SLC25A33: variants seen among roughly 807,000 people sequenced by gnomAD.
SLC25A33 encodes the protein bone marrow stromal cell mitochondrial carrier protein.
In SLC25A33, 15 loss-of-function variants were observed where a neutral mutation model predicts 35.5. That is an observed-to-expected ratio of 0.42 (90% CI 0.28 to 0.65). SLC25A33 has a LOEUF of 0.65. Ranked by LOEUF, SLC25A33 falls within the 30% of genes least tolerant of loss-of-function variation. The pLI is 0.20. For synonymous variants in SLC25A33, 136 were observed against 148.7 expected, an observed-to-expected ratio of 0.91 and a Z score of 0.62; for missense variants, 257 against 398.5, an observed-to-expected ratio of 0.64 and a Z score of 3.02.
intron 4 of SLC25A33, 40 bp from the exon 5 acceptor site, chr1:9,573,306 T>C: frequency 7.1e-7 from 1 of 1,404,882 alleles, no homozygotes. Context: ...AAGTATGGAC[T>C]ATGTACAGTG....
chr1:9,562,805 A>G (rs1310719263), intron 2 of SLC25A33, among the ~76,000 whole-genome samples: 1 of 150,232 alleles, frequency 6.7e-6, no homozygotes, highest in African/African-American at 2.4e-5. Context: ...GTGAGCCAAG[A>G]TCGCGCCATT....
intron 1 of SLC25A33, among the ~76,000 whole-genome samples, chr1:9,547,789 A>C (rs370306507): frequency 6.3e-4 from 96 of 151,574 alleles, no homozygotes; most frequent in African/African-American, 2.2e-3. Flanking sequence ...GGTTTAGAAT[A>C]GTGGCCTTCA....
At position 9,583,416 on chromosome 1, in the gene SLC25A33, C is replaced by G. The variant is rs1323052452; in HGVS notation, c.*915C>G. 2.0e-5 allele frequency: 3 copies of G among 152,160 alleles called. No homozygotes were observed. The highest frequency in any genetic ancestry group is 4.8e-5 in the African/African-American group (2 of 41,416). The allele number at this position is 152,160 out of a possible 1,614,324, so 9.4% of individuals were successfully genotyped here. On this transcript the variant is annotated 3_prime_UTR_variant, in exon 7 of 7. Coordinates refer to ENST00000302692, the MANE Select transcript of SLC25A33 (RefSeq NM_032315.3). ...AAACTTCCTGAAGTTATCCTTTTCT[C>G]CCTACTTTGAACCAAAGGCAAGAAT...
chr1:9,575,473 G>A (rs1016450661), intron 5 of SLC25A33, among the ~76,000 whole-genome samples: 2 of 151,954 alleles, frequency 1.3e-5, no homozygotes, highest in Non-Finnish European at 2.9e-5. Context: ...AAATTAGCCA[G>A]GCGTGGTGGT....
chr1:9,577,321 C>T (rs1051145242), intron 5 of SLC25A33, among the ~76,000 whole-genome samples: 5 of 151,954 alleles, frequency 3.3e-5, no homozygotes, highest in African/African-American at 1.2e-4. Context: ...GGTGTCATGC[C>T]TCGGGAGGCT....
chr1:9,563,368 T>G (rs1402303816), intron 2 of SLC25A33, among the ~76,000 whole-genome samples: 1 of 152,200 alleles, frequency 6.6e-6, no homozygotes, highest in East Asian at 1.9e-4. Flanking sequence ...CATCCAAAAA[T>G]TAGGAGAAGA....
chr1:9,558,070 G>A (rs1371988332), intron 2 of SLC25A33, among the ~76,000 whole-genome samples: 2 of 152,208 alleles, frequency 1.3e-5, no homozygotes, highest in African/African-American at 2.4e-5. Flanking sequence ...GTACTCAGGC[G>A]TGACGTTACC....
At chr1:9,545,051 G>A (rs1382002224) in intron 1 of SLC25A33, among the ~76,000 whole-genome samples, 5 of 152,148 alleles carry the variant, frequency 3.3e-5, no homozygotes. Flanking sequence ...AGGTGCCTAA[G>A]CCACAAGGGG....
At chr1:9,550,668 A>G (rs1296850003) in intron 1 of SLC25A33, among the ~76,000 whole-genome samples, 3 of 150,432 alleles carry the variant, frequency 2.0e-5, no homozygotes, top group Non-Finnish European at 4.4e-5. Flanking sequence ...ATTTTTATTA[A>G]TTAATTAATT....
chr1:9,556,651 C>G (rs570958334), intron 2 of SLC25A33, among the ~76,000 whole-genome samples: 1 of 152,070 alleles, frequency 6.6e-6, no homozygotes, highest in South Asian at 2.1e-4. Flanking sequence ...ATCCAGCCCC[C>G]CCCATAAGAG....
At chr1:9,564,739 A>AAAAAAATATAT (rs60174872) in intron 2 of SLC25A33, among the ~76,000 whole-genome samples, 6 of 96,540 alleles carry the variant, frequency 6.2e-5, no homozygotes, top group African/African-American at 2.6e-4. Context: ...AAAAAAAAAA[A>AAAAAAATATAT]ATATATATAT....
chr1:9,540,049 T>G (rs1643053743), intron 1 of SLC25A33, among the ~76,000 whole-genome samples: 1 of 151,824 alleles, frequency 6.6e-6, no homozygotes, highest in Non-Finnish European at 1.5e-5. Context: ...TGAGTGGTGC[T>G]CGGCGGCGGT....
In SLC25A33 at chr1:9,556,183, C is replaced by T. The variant is rs115164615; in HGVS notation, c.236+2378C>T. 631 of 985,302 alleles carry T rather than the reference C, an allele frequency of 6.4e-4. 4 individuals are homozygous for T. The African/African-American group carries it at 0.011, about 16-fold the overall frequency. 61.0% of individuals were successfully genotyped at this position (985,302 alleles called of 1,614,324 possible). A position where few individuals can be genotyped will look rare whatever the true frequency, so the allele number is the denominator to read the frequency against. Reference sequence around the variant, plus strand: ...TGCTTTGCCTTTTCACATGCTTAGGCGGTGCCAGTGTCCCGGGTGACACCT... The same window carrying T: ...TGCTTTGCCTTTTCACATGCTTAGGTGGTGCCAGTGTCCCGGGTGACACCT... On this transcript the variant is annotated intron_variant, in intron 2 of 6. Transcript: ENST00000302692.
rs200156885 is a variant in SLC25A33 at position 9,580,854 on chromosome 1, CAAA to C, written c.763+631_763+633del. On this transcript the variant is annotated intron_variant, in intron 6 of 6. Transcript: ENST00000302692. ...CTGGCAACAGAGCGAGACTCTGTCT[CAAA>C]AAAAAAAAAATAATAATAATAATAA... Among the ~76,000 whole-genome samples, 803 of 139,312 alleles carry C rather than the reference CAAA, an allele frequency of 5.8e-3. 7 individuals carry two copies. The highest frequency in any genetic ancestry group is 7.2e-3 in the African/African-American group (263 of 36,280). 91.4% of individuals were successfully genotyped at this position (139,312 alleles called of 152,430 possible).
chr1:9,570,268 T>G lies in SLC25A33; in HGVS notation c.325T>G (p.Phe109Val), dbSNP rs767926857. ...VGVAPSRAVYFACYSKAKEQF... is the reference protein window; with the variant it reads ...VGVAPSRAVYVACYSKAKEQF... ...TCTTTGTTCTAACAGGGCTGTATAC[T>G]TTGCATGTTACTCCAAAGCCAAAGA... is the stretch of plus-strand genomic sequence containing the variant. Residue 109 changes from phenylalanine to valine, a missense_variant, in exon 4 of 7, where the codon TTT becomes GTT. Transcript: ENST00000302692. The G allele has an allele frequency of 5.0e-6, 8 of 1,613,660 alleles. No individual in the cohort carries two copies. In the Admixed American group the frequency reaches 1.0e-4, roughly 20 times the overall value.
At chr1:9,579,592 C>G (rs1011970460) in intron 5 of SLC25A33, among the ~76,000 whole-genome samples, 2 of 152,182 alleles carry the variant, frequency 1.3e-5, no homozygotes, top group African/African-American at 4.8e-5. Flanking sequence ...CCAGGAGCCT[C>G]CATGCGATCA....
chr1:9,559,742 TG>T (rs1643394560), intron 2 of SLC25A33, among the ~76,000 whole-genome samples: 1 of 152,200 alleles, frequency 6.6e-6, no homozygotes, highest in East Asian at 1.9e-4. Context: ...GCTGCTACCA[TG>T]TGGGTTGAAG....
At chr1:9,558,943 C>T (rs1397318786) in intron 2 of SLC25A33, among the ~76,000 whole-genome samples, 4 of 152,134 alleles carry the variant, frequency 2.6e-5, no homozygotes, top group Non-Finnish European at 2.9e-5. Flanking sequence ...AGGTTCTACA[C>T]GATTCTCACC....
intron 3 of SLC25A33, among the ~76,000 whole-genome samples, chr1:9,568,579 C>A (rs183785611): frequency 6.6e-6 from 1 of 150,508 alleles, no homozygotes; most frequent in Non-Finnish European, 1.5e-5. Context: ...TGGCCGGGTG[C>A]GGTGGCTCAC....
Sources: allele counts gnomAD v4.1 joint callset (sites outside exome capture counted in the v4.1 genomes callset), GRCh38; gene constraint gnomAD v4.1.1; transcripts MANE v1.5; gene names NCBI Gene and HGNC (gene_info 2026-07-23, HGNC 2026-07-21).